The following GRM8 variants were observed in gnomAD, a reference collection of about 807,000 sequenced individuals.
GRM8 encodes metabotropic glutamate receptor 8.
Under a neutral mutation model 87.2 loss-of-function variants are expected in GRM8, and 47 were observed. The observed-to-expected ratio is 0.54, with a 90% CI of 0.43 to 0.69. The LOEUF is 0.69. Among genes scored for constraint, GRM8 ranks in the 30% least tolerant of loss-of-function variants. The probability of loss-of-function intolerance (pLI) is 0.00; values close to 1 mark genes in which losing one functional copy is unlikely to be tolerated. For synonymous variants in GRM8, 396 were observed against 404.5 expected (o/e 0.98, Z 0.25); for missense variants, 1,019 against 1,139.2 (o/e 0.89, Z 1.52).
In GRM8 at chr7:127,120,384, C is replaced by T. The variant is rs773990990; in HGVS notation, c.511-13672G>A. ...CAAAAGATAAATTCAACAGTATTGA[C>T]TACAGTAACTGTGGTACTAAGTTTT... is the stretch of plus-strand genomic sequence containing the variant. On this transcript the variant is annotated intron_variant, in intron 2 of 10. Transcript: ENST00000339582. Among the ~76,000 whole-genome samples the T allele has an allele frequency of 4.1e-4, 62 of 152,190 alleles. 1 individual carries two copies. The highest frequency in any genetic ancestry group is 3.5e-4 in the Non-Finnish European group (24 of 68,038).
At chr7:126,741,791 A>C (rs1484914609) in intron 7 of GRM8, among the ~76,000 whole-genome samples, 1 of 152,130 alleles carries the variant, frequency 6.6e-6, no homozygotes, top group African/African-American at 2.4e-5. Context: ...GATTGTGGGA[A>C]GCAGTACAGC....
chr7:126,603,665 T>C (rs1470414338), intron 8 of GRM8, among the ~76,000 whole-genome samples: 2 of 152,112 alleles, frequency 1.3e-5, no homozygotes, highest in African/African-American at 2.4e-5. Context: ...CTCACACTTA[T>C]GCTATGTAGG....
intron 9 of GRM8, among the ~76,000 whole-genome samples, chr7:126,492,209 C>G (rs10256505): frequency 0.041 from 6,283 of 151,900 alleles, 401 homozygotes; most frequent in African/African-American, 0.14. Context: ...CACCACCATG[C>G]CTGGATAATT....
At position 126,664,901 on chromosome 7, in the gene GRM8, C is replaced by T. The variant is rs530712858; in HGVS notation, c.1358-55403G>A. 5.9e-5 allele frequency among the ~76,000 whole-genome samples: 9 copies of T among 152,250 alleles called. No individual in the cohort carries two copies. In the South Asian group the frequency reaches 1.9e-3, roughly 32 times the overall value. On this transcript the variant is annotated intron_variant, in intron 7 of 10. Coordinates refer to ENST00000339582, the MANE Select transcript of GRM8 (RefSeq NM_000845.3). ...TCTAATATCCAGAATCTATAAGGAA[C>T]TTAAACAATTCAGCAAGACAATTGT...
intron 9 of GRM8, among the ~76,000 whole-genome samples, chr7:126,486,392 A>G (rs2150618663): frequency 6.6e-6 from 1 of 152,096 alleles, no homozygotes; most frequent in South Asian, 2.1e-4. Flanking sequence ...GTGAATATCC[A>G]TAAGACCTCC....
intron 7 of GRM8, among the ~76,000 whole-genome samples, chr7:126,744,741 A>G (rs553825288): frequency 1.8e-3 from 278 of 152,096 alleles, no homozygotes; most frequent in Non-Finnish European, 3.1e-3. Flanking sequence ...CTTATGTTAC[A>G]ACTAGATATG....
At chr7:126,693,071 C>A (rs1163841130) in intron 7 of GRM8, among the ~76,000 whole-genome samples, 1 of 152,082 alleles carries the variant, frequency 6.6e-6, no homozygotes, top group Non-Finnish European at 1.5e-5. Flanking sequence ...AAACTAATCG[C>A]CTCAAACTTC....
chr7:126,634,649 C>G (rs1001099460), intron 7 of GRM8, among the ~76,000 whole-genome samples: 1 of 149,078 alleles, frequency 6.7e-6, no homozygotes, highest in African/African-American at 2.4e-5. Flanking sequence ...CTACCTTCTC[C>G]CCCTGGCCTT....
At chr7:127,203,756 C>T (rs11984071) in intron 2 of GRM8, among the ~76,000 whole-genome samples, 5,898 of 150,212 alleles carry the variant, frequency 0.039, 335 homozygotes, top group African/African-American at 0.13. Flanking sequence ...TAAGAACCAA[C>T]TGTTGAAACC....
At chr7:127,065,834 T>A (rs887270497) in intron 3 of GRM8, among the ~76,000 whole-genome samples, 1 of 152,132 alleles carries the variant, frequency 6.6e-6, no homozygotes, top group Non-Finnish European at 1.5e-5. Context: ...AAATTCCTGG[T>A]CAAAATGAAC....
intron 8 of GRM8, among the ~76,000 whole-genome samples, chr7:126,592,439 A>T (rs978190619): frequency 6.6e-6 from 1 of 152,062 alleles, no homozygotes; most frequent in African/African-American, 2.4e-5. Flanking sequence ...AGCATTATCA[A>T]ATGGGATTCA....
chr7:126,698,165 C>T (rs933032868), intron 7 of GRM8, among the ~76,000 whole-genome samples: 7 of 152,022 alleles, frequency 4.6e-5, no homozygotes, highest in South Asian at 2.1e-4. Context: ...CTGAGGCTGC[C>T]GCTTCTCTGG....
At chr7:126,901,014 C>T (rs1802023589) in intron 6 of GRM8, among the ~76,000 whole-genome samples, 1 of 152,168 alleles carries the variant, frequency 6.6e-6, no homozygotes, top group Non-Finnish European at 1.5e-5. Flanking sequence ...GCCCAAATTC[C>T]TCAACTCTGG....
intron 8 of GRM8, among the ~76,000 whole-genome samples, chr7:126,536,546 A>C (rs1454636844): frequency 1.3e-5 from 2 of 152,092 alleles, no homozygotes; most frequent in Non-Finnish European, 2.9e-5. Context: ...CTAGTTTCTT[A>C]TTGGGTTTTA....
chr7:127,035,358 G>A (rs17862265), intron 3 of GRM8, among the ~76,000 whole-genome samples: 2,527 of 152,232 alleles, frequency 0.017, 30 homozygotes, highest in South Asian at 0.038. Flanking sequence ...AGTCGATTTC[G>A]TGAAACATTT....
rs138865388 is a variant in GRM8 at position 126,877,303 on chromosome 7, A to G, written c.1156+25239T>C. Among the ~76,000 whole-genome samples, 14 of 152,308 alleles carry G rather than the reference A, an allele frequency of 9.2e-5. No individual in the cohort carries two copies. The East Asian group carries it at 2.3e-3, about 25-fold the overall frequency. ...CAGTAAAGTTCTTCAAAGTTTGCCA[A>G]TCTGTTTGGATCTTATCACACTAAA... On this transcript the variant is annotated intron_variant, in intron 6 of 10. Coordinates refer to ENST00000339582, the MANE Select transcript of GRM8 (RefSeq NM_000845.3).
intron 6 of GRM8, among the ~76,000 whole-genome samples, chr7:126,863,448 C>G (rs1327314240): frequency 6.6e-6 from 1 of 152,102 alleles, no homozygotes; most frequent in African/African-American, 2.4e-5. Flanking sequence ...GCACAAGGTA[C>G]TATGATGATC....
chr7:126,937,404 CAA>C lies in GRM8; in HGVS notation c.728-32723_728-32722del, dbSNP rs560146696. 4.8e-3 allele frequency among the ~76,000 whole-genome samples: 731 copies of C among 152,244 alleles called. 4 individuals carry two copies. The highest frequency in any genetic ancestry group is 0.024 in the Middle Eastern group (7 of 294). On this transcript the variant is annotated intron_variant, in intron 3 of 10. Coordinates refer to ENST00000339582, the MANE Select transcript of GRM8 (RefSeq NM_000845.3). ...GCGGGTATTACATTGCCAAAGAAAACAAAAACCTGGCTGACAGAGCTAGTGAC... is the reference window on the plus strand; with the variant it reads ...GCGGGTATTACATTGCCAAAGAAAACAAACCTGGCTGACAGAGCTAGTGAC...
intron 3 of GRM8, among the ~76,000 whole-genome samples, chr7:126,996,216 A>C (rs905036823): frequency 1.3e-5 from 2 of 152,104 alleles, no homozygotes; most frequent in African/African-American, 4.8e-5. Flanking sequence ...GGAGTTCTTC[A>C]ATCTGAAAGA....
Sources: gnomAD v4.1 joint callset for allele counts (sites outside exome capture counted in the v4.1 genomes callset) on GRCh38, gnomAD v4.1.1 for gene constraint, MANE v1.5 for transcripts, NCBI Gene and HGNC (gene_info 2026-07-23, HGNC 2026-07-21) for gene names.